The following RPH3A variants were observed in gnomAD, a reference collection of about 807,000 sequenced individuals.
The protein encoded by RPH3A is rabphilin 3A.
In RPH3A, 48 loss-of-function variants were observed where a neutral mutation model predicts 102.2. The observed-to-expected ratio is 0.47, with a 90% confidence interval of 0.37 to 0.60. The LOEUF (loss-of-function observed/expected upper bound fraction) is 0.60, where lower values mean the gene tolerates loss of function less well. Among genes scored for constraint, RPH3A ranks in the 20% least tolerant of loss-of-function variants. The pLI, the probability that RPH3A is intolerant of heterozygous loss-of-function variation, is 0.00. For missense variants in RPH3A, 781 were observed against 910.1 expected, an observed-to-expected ratio of 0.86 and a Z score of 1.83; for synonymous variants, 310 against 324.3, an observed-to-expected ratio of 0.96 and a Z score of 0.47.
intron 1 of RPH3A, among the ~76,000 whole-genome samples, chr12:112,701,360 C>T (rs773966062): frequency 6.6e-6 from 1 of 152,174 alleles, no homozygotes; most frequent in Non-Finnish European, 1.5e-5. Flanking sequence ...TAAAATTTCT[C>T]AGAGAGAAGA....
intron 1 of RPH3A, among the ~76,000 whole-genome samples, chr12:112,613,657 C>T (rs1294567577): frequency 6.6e-6 from 1 of 151,946 alleles, no homozygotes; most frequent in African/African-American, 2.4e-5. Flanking sequence ...CAAAATTAGC[C>T]AGGTGTGATG....
chr12:112,813,120 T>C (rs1326949839), intron 2 of RPH3A, among the ~76,000 whole-genome samples: 1 of 152,226 alleles, frequency 6.6e-6, no homozygotes, highest in Non-Finnish European at 1.5e-5. Flanking sequence ...TAAGTAACCA[T>C]CTTAACATCA....
chr12:112,878,860 C>T (rs564170517), intron 13 of RPH3A, among the ~76,000 whole-genome samples: 5 of 152,256 alleles, frequency 3.3e-5, no homozygotes, highest in African/African-American at 1.2e-4. Flanking sequence ...AGCTATTGCC[C>T]TCATGGGGTT....
chr12:112,663,362 A>G (rs2040063143), intron 1 of RPH3A, among the ~76,000 whole-genome samples: 1 of 151,738 alleles, frequency 6.6e-6, no homozygotes, highest in South Asian at 2.1e-4. Context: ...GGTGTGTGTT[A>G]CCATGCCTGA....
At chr12:112,726,797 C>T (rs1036106239) in intron 1 of RPH3A, among the ~76,000 whole-genome samples, 37 of 151,972 alleles carry the variant, frequency 2.4e-4, no homozygotes, top group African/African-American at 6.3e-4. Context: ...CTGAGGCAGG[C>T]GGATCACCTG....
chr12:112,805,410 A>T (rs557076139), intron 2 of RPH3A, among the ~76,000 whole-genome samples: 7 of 152,148 alleles, frequency 4.6e-5, no homozygotes, highest in Non-Finnish European at 1.0e-4. Flanking sequence ...CAGTGTAAAG[A>T]GTTTCCTGAG....
intron 1 of RPH3A, among the ~76,000 whole-genome samples, chr12:112,664,282 A>G (rs2040069748): frequency 6.6e-6 from 1 of 152,162 alleles, no homozygotes; most frequent in South Asian, 2.1e-4. Context: ...TTTATGAGCC[A>G]TGATGAGGAG....
chr12:112,651,180 C>T (rs569405517), intron 1 of RPH3A, among the ~76,000 whole-genome samples: 25 of 151,502 alleles, frequency 1.7e-4, no homozygotes, highest in African/African-American at 5.1e-4. Flanking sequence ...GGCAACATGG[C>T]GAAACCCCGT....
chr12:112,781,159 C>CA (rs2041004365), intron 1 of RPH3A, among the ~76,000 whole-genome samples: 3 of 148,984 alleles, frequency 2.0e-5, no homozygotes, highest in African/African-American at 5.0e-5. Context: ...GACTCCATCT[C>CA]AAAAAAACAA....
chr12:112,826,112 A>G (rs911413840), intron 2 of RPH3A, among the ~76,000 whole-genome samples: 12 of 151,958 alleles, frequency 7.9e-5, no homozygotes, highest in African/African-American at 2.9e-4. Context: ...CCGCTGTGGG[A>G]GCTGTTTTAA....
At chr12:112,735,264 G>A (rs2040661311) in intron 1 of RPH3A, among the ~76,000 whole-genome samples, 1 of 152,236 alleles carries the variant, frequency 6.6e-6, no homozygotes, top group African/African-American at 2.4e-5. Context: ...GTTAAACTCT[G>A]GGAAGCTGTA....
intron 4 of RPH3A, among the ~76,000 whole-genome samples, chr12:112,837,148 A>T (rs2042065060): frequency 6.6e-6 from 1 of 152,088 alleles, no homozygotes; most frequent in Non-Finnish European, 1.5e-5. Flanking sequence ...ATGGAAAGTC[A>T]TTTTTACCTC....
At chr12:112,617,027 A>G (rs1167887865) in intron 1 of RPH3A, among the ~76,000 whole-genome samples, 1 of 152,178 alleles carries the variant, frequency 6.6e-6, no homozygotes, top group Non-Finnish European at 1.5e-5. Flanking sequence ...AGCCATTTAA[A>G]AAAATACAAG....
intron 2 of RPH3A, among the ~76,000 whole-genome samples, chr12:112,796,558 C>T (rs992758311): frequency 6.6e-6 from 1 of 152,176 alleles, no homozygotes; most frequent in Non-Finnish European, 1.5e-5. Flanking sequence ...ACAGTAGGTG[C>T]TCAGTTAGTA....
intron 1 of RPH3A, among the ~76,000 whole-genome samples, chr12:112,626,903 T>G (rs1592914392): frequency 1.4e-5 from 1 of 70,614 alleles, no homozygotes; most frequent in East Asian, 3.8e-4. Context: ...GTTCATGTCC[T>G]TTGTAGGGAC....
At chr12:112,580,660 C>T (rs2039394258) in intron 1 of RPH3A, among the ~76,000 whole-genome samples, 1 of 152,070 alleles carries the variant, frequency 6.6e-6, no homozygotes, top group South Asian at 2.1e-4. Context: ...CCCGCCTCGG[C>T]CTCCCAAAGT....
At chr12:112,774,976 A>G (rs914214824) in intron 1 of RPH3A, among the ~76,000 whole-genome samples, 1 of 152,152 alleles carries the variant, frequency 6.6e-6, no homozygotes, top group African/African-American at 2.4e-5. Flanking sequence ...TAAAAATGAA[A>G]AAAAGAAAAT....
intron 1 of RPH3A, among the ~76,000 whole-genome samples, chr12:112,734,182 T>C (rs1314878271): frequency 6.6e-6 from 1 of 152,230 alleles, no homozygotes; most frequent in African/African-American, 2.4e-5. Context: ...ATTTTTAGTG[T>C]ACCTTTGCTA....
At chr12:112,815,693 C>T (rs1006258816) in intron 2 of RPH3A, among the ~76,000 whole-genome samples, 3 of 152,176 alleles carry the variant, frequency 2.0e-5, no homozygotes, top group Non-Finnish European at 4.4e-5. Context: ...TTCACTGCAG[C>T]CTGGGCCTGA....
Sources: gnomAD v4.1 joint callset for allele counts (sites outside exome capture counted in the v4.1 genomes callset) on GRCh38, gnomAD v4.1.1 for gene constraint, MANE v1.5 for transcripts, NCBI Gene and HGNC (gene_info 2026-07-23, HGNC 2026-07-21) for gene names.